The following CDH4 variants were observed in gnomAD, a reference collection of about 807,000 sequenced individuals.
CDH4 encodes cadherin-4.
CDH4 carries 33 observed loss-of-function variants against 86.0 expected under a neutral mutation model. The observed-to-expected ratio is 0.38, with a 90% CI of 0.29 to 0.51. The LOEUF (loss-of-function observed/expected upper bound fraction) is 0.51, where lower values mean the gene tolerates loss of function less well. Among genes scored for constraint, CDH4 ranks in the 20% least tolerant of loss-of-function variants. The pLI is 0.86. For synonymous variants in CDH4, 555 were observed against 549.4 expected (o/e 1.01, Z -0.14); for missense variants, 1,114 against 1,307.4 (o/e 0.85, Z 2.28).
chr20:61,615,421 C>G (rs1400982962), intron 2 of CDH4, among the ~76,000 whole-genome samples: 1 of 151,996 alleles, frequency 6.6e-6, no homozygotes, highest in Non-Finnish European at 1.5e-5. Context: ...CGTGCCTGGC[C>G]TATTTTGCAT....
intron 2 of CDH4, among the ~76,000 whole-genome samples, chr20:61,347,459 A>G (rs928828006): frequency 2.0e-5 from 3 of 152,256 alleles, no homozygotes; most frequent in Non-Finnish European, 4.4e-5. Context: ...GAAAGAGAAA[A>G]AATGTAAGAG....
At chr20:61,317,574 G>T (rs1250637204) in intron 2 of CDH4, among the ~76,000 whole-genome samples, 1 of 152,140 alleles carries the variant, frequency 6.6e-6, no homozygotes, top group Non-Finnish European at 1.5e-5. Flanking sequence ...CCACAGGCAT[G>T]GGGGGCTGGA....
chr20:61,472,003 A>G (rs1237145367), intron 2 of CDH4, among the ~76,000 whole-genome samples: 1 of 152,182 alleles, frequency 6.6e-6, no homozygotes, highest in East Asian at 1.9e-4. Flanking sequence ...CGTTCTGTAA[A>G]TATCGATTAG....
Position 61,754,313 on chromosome 20 carries a change from G to T in CDH4, c.396+10524G>T, listed in dbSNP as rs1463855325. Among the ~76,000 whole-genome samples, 2 of 152,146 alleles carry T rather than the reference G, an allele frequency of 1.3e-5. No individual in the cohort carries two copies. The highest frequency in any genetic ancestry group is 6.5e-5 in the Admixed American group (1 of 15,282). Reference sequence around the variant, plus strand: ...AGACAGACCCCAAGGCATCCCCGAAGGCAGGGAGGAGTGTCCCCAGCCAGG... The same window carrying T: ...AGACAGACCCCAAGGCATCCCCGAATGCAGGGAGGAGTGTCCCCAGCCAGG... On this transcript the variant is annotated intron_variant, in intron 3 of 15. Transcript: ENST00000614565. This position sits in a 1 kb window ranked among gnomAD's most constrained non-coding sequence, Gnocchi z 4.7.
intron 2 of CDH4, among the ~76,000 whole-genome samples, chr20:61,565,151 A>ATGGGGTGGTGGTGGTG (rs1568688178): frequency 1.6e-4 from 11 of 67,550 alleles, no homozygotes; most frequent in African/African-American, 6.7e-4. Flanking sequence ...TGGTGTTGGT[A>ATGGGGTGGTGGTGGTG]GTGGTCCTCT....
At chr20:61,283,439 GGTGT>G (rs1216178353) in intron 2 of CDH4, among the ~76,000 whole-genome samples, 763 of 23,344 alleles carry the variant, frequency 0.033, 2 homozygotes, top group Non-Finnish European at 0.047. Flanking sequence ...CGTGTGCTGT[GGTGT>G]GTGTGATGTG....
chr20:61,549,018 G>A (rs1011803079), intron 2 of CDH4, among the ~76,000 whole-genome samples: 2 of 152,038 alleles, frequency 1.3e-5, no homozygotes, highest in African/African-American at 4.8e-5. Flanking sequence ...CCTTTGGGAC[G>A]GAGGGAATGG....
At chr20:61,764,645 T>C (rs2088677652) in intron 3 of CDH4, among the ~76,000 whole-genome samples, 2 of 152,204 alleles carry the variant, frequency 1.3e-5, no homozygotes, top group African/African-American at 4.8e-5. Flanking sequence ...CACTTATGCA[T>C]GGGGCTTTGT....
chr20:61,599,065 C>T (rs1171826042), intron 2 of CDH4, among the ~76,000 whole-genome samples: 1 of 152,176 alleles, frequency 6.6e-6, no homozygotes, highest in East Asian at 1.9e-4. Flanking sequence ...TTCTTGACAC[C>T]ACGTCCCTGG....
At chr20:61,389,194 G>A (rs560654000) in intron 2 of CDH4, among the ~76,000 whole-genome samples, 3 of 152,356 alleles carry the variant, frequency 2.0e-5, no homozygotes, top group South Asian at 4.1e-4. Context: ...GTGTGCACTC[G>A]GAGGGGCAGG....
intron 2 of CDH4, among the ~76,000 whole-genome samples, chr20:61,334,020 A>G (rs1289573822): frequency 6.6e-6 from 1 of 152,194 alleles, no homozygotes; most frequent in Non-Finnish European, 1.5e-5. Context: ...GCCCCTGTCC[A>G]TCCTGGGAGG....
intron 15 of CDH4, among the ~76,000 whole-genome samples, chr20:61,935,058 C>G (rs1178296088): frequency 1.3e-5 from 2 of 152,236 alleles, no homozygotes; most frequent in Non-Finnish European, 2.9e-5. Context: ...CAGGGAGCGT[C>G]CTCCGGGCAG....
intron 2 of CDH4, among the ~76,000 whole-genome samples, chr20:61,589,052 G>A (rs2086499134): frequency 6.6e-6 from 1 of 152,212 alleles, no homozygotes; most frequent in African/African-American, 2.4e-5. Flanking sequence ...TACATCTGAG[G>A]CTGGAGCGTG....
intron 2 of CDH4, among the ~76,000 whole-genome samples, chr20:61,487,278 A>G (rs1456293360): frequency 1.3e-5 from 2 of 151,904 alleles, no homozygotes; most frequent in African/African-American, 4.8e-5. Context: ...TCTGCGGGGG[A>G]AGGGGGCTTC....
At chr20:61,871,809 C>T (rs1295686619) in intron 6 of CDH4, among the ~76,000 whole-genome samples, 1 of 152,232 alleles carries the variant, frequency 6.6e-6, no homozygotes, top group Non-Finnish European at 1.5e-5. Context: ...ATTCACGTGC[C>T]ATACAGCTTG....
intron 2 of CDH4, among the ~76,000 whole-genome samples, chr20:61,555,438 T>A (rs1476088439): frequency 6.6e-6 from 1 of 152,202 alleles, no homozygotes; most frequent in African/African-American, 2.4e-5. Context: ...AGGACTGTCC[T>A]GCTACCTGGA....
At chr20:61,644,937 C>T (rs931929031) in intron 2 of CDH4, among the ~76,000 whole-genome samples, 8 of 152,204 alleles carry the variant, frequency 5.3e-5, no homozygotes, top group Non-Finnish European at 7.3e-5. Flanking sequence ...GAAGGGACCC[C>T]GTCAGCCGAC....
chr20:61,801,129 G>A (rs376106721), intron 4 of CDH4, among the ~76,000 whole-genome samples: 29 of 152,172 alleles, frequency 1.9e-4, no homozygotes, highest in African/African-American at 3.4e-4. Context: ...CCACAGCACC[G>A]GGGCTCCTGC....
intron 7 of CDH4, among the ~76,000 whole-genome samples, chr20:61,880,674 C>T (rs1398408423): frequency 6.6e-6 from 1 of 152,146 alleles, no homozygotes; most frequent in East Asian, 1.9e-4. Context: ...ACGCAGAGGC[C>T]GCCACCCCTG....
Sources: gnomAD v4.1 joint callset for allele counts (sites outside exome capture counted in the v4.1 genomes callset) on GRCh38, gnomAD v4.1.1 for gene constraint, Gnocchi (gnomAD v3.1) non-coding constraint, MANE v1.5 for transcripts, NCBI Gene and HGNC (gene_info 2026-07-23, HGNC 2026-07-21) for gene names.